Variants in SCAF8 observed in about 807,000 individuals in gnomAD.
The protein encoded by SCAF8 is SR-related CTD associated factor 8.
In SCAF8, 23 loss-of-function variants were observed where a neutral mutation model predicts 140.5. That is an observed-to-expected ratio of 0.16 (90% confidence interval 0.12 to 0.23). The LOEUF (loss-of-function observed/expected upper bound fraction) is 0.23. Among genes scored for constraint, SCAF8 ranks in the 10% least tolerant of loss-of-function variants. The pLI is 1.00. For missense variants in SCAF8, 1,397 were observed against 1,555.7 expected (o/e 0.90, Z 1.72); for synonymous variants, 575 against 528.9 (o/e 1.09, Z -1.20).
rs562035316 is a variant in SCAF8 at position 154,768,268 on chromosome 6, T to G, written c.31-5721T>G. 3.3e-5 allele frequency among the ~76,000 whole-genome samples: 5 copies of G among 152,300 alleles called. No individual in the cohort carries two copies. The East Asian group carries it at 7.7e-4, about 24-fold the overall frequency. On this transcript the variant is annotated intron_variant, in intron 1 of 19. Coordinates refer to ENST00000367178, the MANE Select transcript of SCAF8 (RefSeq NM_014892.5). ...TTTCTTTTAATGTCATGACTTTGCTTCTTGAGAGCACCTTCAGCATCACTA... is the reference window on the plus strand; with the variant it reads ...TTTCTTTTAATGTCATGACTTTGCTGCTTGAGAGCACCTTCAGCATCACTA...
intron 16 of SCAF8, 50 bp from the exon 17 acceptor site, chr6:154,824,184 G>C (rs755434342): frequency 8.8e-6 from 14 of 1,582,500 alleles, no homozygotes; most frequent in Non-Finnish European, 1.2e-5. Context: ...GTTGTTCCAA[G>C]ATGCAGGTGA....
intron 9 of SCAF8, among the ~76,000 whole-genome samples, chr6:154,807,078 G>T (rs894081002): frequency 6.6e-6 from 1 of 152,180 alleles, no homozygotes; most frequent in Non-Finnish European, 1.5e-5. Context: ...ATTTTAGAAG[G>T]TTTAGCAGAA....
rs1778800572 is a variant in SCAF8, at chr6:154,833,124, G to A, written c.3545G>A (p.Arg1182Lys). Residue 1182 changes from arginine (R) to lysine (K), a missense_variant, in exon 20 of 20, where the codon AGA becomes AAA. Physicochemically the swap from Arg to Lys is conservative, Grantham distance 26 (BLOSUM62 2). Around this residue, in one of 5 missense-constraint regions of SCAF8, gnomAD observed 930 missense variants for 874.6 expected, o/e 1.06. Transcript: ENST00000367178. ...EMNGNRLGRD[R>K]IQNTWVPPPH... Reference sequence around the variant, plus strand: ...AATGGAAATCGTCTTGGACGAGACAGAATTCAAAACACTTGGGTTCCCCCT... The same window carrying A: ...AATGGAAATCGTCTTGGACGAGACAAAATTCAAAACACTTGGGTTCCCCCT... The A allele has an allele frequency of 6.2e-7, 1 of 1,614,130 alleles. No individual in the cohort carries two copies. Among genetic ancestry groups the A allele is most frequent in the Non-Finnish European group, 8.5e-7 (1 of 1,180,006 alleles).
intron 1 of SCAF8, among the ~76,000 whole-genome samples, chr6:154,746,840 T>A (rs1215596999): frequency 1.3e-5 from 2 of 152,242 alleles, no homozygotes; most frequent in African/African-American, 4.8e-5. Flanking sequence ...TTTGACTTTT[T>A]TCCTCTTTCA....
rs1338095709 is a variant in SCAF8, at chr6:154,804,304, C to G, written c.863+681C>G. 7.9e-5 allele frequency among the ~76,000 whole-genome samples: 12 copies of G among 152,204 alleles called. No individual in the cohort carries two copies. The East Asian group carries it at 2.3e-3, about 29-fold the overall frequency. On this transcript the variant is annotated intron_variant, in intron 8 of 19. Coordinates refer to ENST00000367178, the MANE Select transcript of SCAF8 (RefSeq NM_014892.5). ...ACATAATTTTAGAATATGTTAGATA[C>G]AAATGTATCATTTTAGTAAAATGAT...
chr6:154,748,699 A>G (rs926520430), intron 1 of SCAF8, among the ~76,000 whole-genome samples: 3 of 152,250 alleles, frequency 2.0e-5, no homozygotes, highest in Non-Finnish European at 4.4e-5. Flanking sequence ...GAGATAACTC[A>G]GAAGTTTTTA....
rs1422353007 is a variant in SCAF8, at chr6:154,831,220, TA to T, written c.2359+82del. 4 of 805,684 alleles carry T rather than the reference TA, an allele frequency of 5.0e-6. No individual in the cohort carries two copies. In the East Asian group the frequency reaches 8.1e-5, roughly 16 times the overall value. 49.9% of individuals were successfully genotyped at this position (805,684 alleles called of 1,614,324 possible). ...TTAATTCTGGGGTGGCATGCGTTTG[TA>T]ACCACTTCAATCTACAGATGCTGAA... is the stretch of plus-strand genomic sequence containing the variant. On this transcript the variant is annotated intron_variant, in intron 19 of 19. Transcript: ENST00000367178.
Position 154,815,195 on chromosome 6 carries a change from A to T in SCAF8, c.1421-521A>T, listed in dbSNP as rs551614753. ...GCCTGTAGTCCTAGCTACTCGGGAGACTGAGGCAGGAGAATGGCATGAACC... is the reference window on the plus strand; with the variant it reads ...GCCTGTAGTCCTAGCTACTCGGGAGTCTGAGGCAGGAGAATGGCATGAACC... On this transcript the variant is annotated intron_variant, in intron 12 of 19. Coordinates refer to ENST00000367178, the MANE Select transcript of SCAF8 (RefSeq NM_014892.5). 2.6e-5 allele frequency among the ~76,000 whole-genome samples: 4 copies of T among 152,152 alleles called. No individual in the cohort carries two copies. In the East Asian group the frequency reaches 7.7e-4, roughly 29 times the overall value.
intron 13 of SCAF8, among the ~76,000 whole-genome samples, chr6:154,816,464 A>G (rs1299548854): frequency 1.1e-4 from 17 of 152,020 alleles, no homozygotes. Context: ...TGAGGGTCAG[A>G]CATCTTTGGT....
chr6:154,766,659 A>ACCCCC (rs1165228098), intron 1 of SCAF8, among the ~76,000 whole-genome samples: 1 of 70,716 alleles, frequency 1.4e-5, no homozygotes, highest in African/African-American at 5.7e-5. Context: ...CTCCAGCAGC[A>ACCCCC]CCCCCCCCCC....
At position 154,789,571 on chromosome 6, in the gene SCAF8, A is replaced by T. The variant is rs1403340839; in HGVS notation, c.321+1549A>T. Among the ~76,000 whole-genome samples the T allele has an allele frequency of 3.3e-5, 4 of 121,950 alleles. No individual in the cohort carries two copies. The East Asian group carries it at 9.3e-4, about 28-fold the overall frequency. 80.0% of individuals were successfully genotyped at this position (121,950 alleles called of 152,430 possible). A position where few individuals can be genotyped will look rare whatever the true frequency, so the allele number is the denominator to read the frequency against. ...TTTTTTTTTTTTTTTTTTGAGACGG[A>T]GTCTTGCTCTTTCACCCAGGCTGGA... On this transcript the variant is annotated intron_variant, in intron 4 of 19. Coordinates refer to ENST00000367178, the MANE Select transcript of SCAF8 (RefSeq NM_014892.5).
chr6:154,791,094 T>G (rs1019449354), intron 4 of SCAF8, among the ~76,000 whole-genome samples: 3 of 152,234 alleles, frequency 2.0e-5, no homozygotes, highest in South Asian at 2.1e-4. Flanking sequence ...GAACTGCTGA[T>G]ACTTCTTACA....
intron 1 of SCAF8, among the ~76,000 whole-genome samples, chr6:154,757,329 A>G (rs942285228): frequency 6.6e-6 from 1 of 152,200 alleles, no homozygotes; most frequent in African/African-American, 2.4e-5. Context: ...GAATATTGGC[A>G]TAGGATTATA....
rs750432698 is a variant in SCAF8, at chr6:154,832,739, C to T, written c.3160C>T (p.Leu1054=). 7 of 1,613,790 alleles carry T rather than the reference C, an allele frequency of 4.3e-6. No individual in the cohort carries two copies. The East Asian group carries it at 8.9e-5, about 21-fold the overall frequency. ...AAGAGAAGGTCCTGGACGGCCTCCA[C>T]TAGATGGTAGGGATCATTTTGGAAG... is the stretch of plus-strand genomic sequence containing the variant. The part of the protein sequence containing the change: ...DPREGPGRPP[L]DGRDHFGRPP... Residue 1054 remains leucine, a synonymous_variant, in exon 20 of 20, where the codon CTA becomes TTA. Transcript: ENST00000367178.
intron 3 of SCAF8, among the ~76,000 whole-genome samples, chr6:154,779,883 G>A (rs1334803064): frequency 1.3e-5 from 2 of 151,814 alleles, no homozygotes; most frequent in African/African-American, 4.8e-5. Context: ...GAGATCCCAT[G>A]TGCCCCTCAC....
In SCAF8 at chr6:154,789,931, A is replaced by T. The variant is rs77779031; in HGVS notation, c.321+1909A>T. On this transcript the variant is annotated intron_variant, in intron 4 of 19. Coordinates refer to ENST00000367178, the MANE Select transcript of SCAF8 (RefSeq NM_014892.5). ...CACTTGAAGTAATGTACTAATCTGA[A>T]ATTTTATACATGCATTTTTTAGAAG... Among the ~76,000 whole-genome samples, 301 of 152,234 alleles carry T rather than the reference A, an allele frequency of 2.0e-3. 1 individual carries two copies. The highest frequency in any genetic ancestry group is 6.8e-3 in the African/African-American group (281 of 41,546).
Position 154,779,024 on chromosome 6 carries a change from T to C in SCAF8, c.159+979T>C, listed in dbSNP as rs554166523. On this transcript the variant is annotated intron_variant, in intron 3 of 19. Coordinates refer to ENST00000367178, the MANE Select transcript of SCAF8 (RefSeq NM_014892.5). ...TTTAATGTCTGGTTTTGTTTTGTTT[T>C]GTTTTGGTTTTTTTGTTTTTGTTTT... Among the ~76,000 whole-genome samples the C allele has an allele frequency of 2.0e-3, 300 of 152,190 alleles. 1 individual carries two copies. The highest frequency in any genetic ancestry group is 6.7e-3 in the African/African-American group (280 of 41,532).
chr6:154,791,983 G>T (rs541275971), intron 4 of SCAF8, among the ~76,000 whole-genome samples: 50 of 151,956 alleles, frequency 3.3e-4, no homozygotes, highest in Non-Finnish European at 6.2e-4. Flanking sequence ...CTGCTTGCCA[G>T]TGGCAAGCAG....
intron 9 of SCAF8, among the ~76,000 whole-genome samples, chr6:154,806,275 A>G (rs1167963174): frequency 6.6e-6 from 1 of 152,222 alleles, no homozygotes; most frequent in African/African-American, 2.4e-5. Context: ...CTAGGATTAA[A>G]TTTATTTCAA....
Sources: allele counts gnomAD v4.1 joint callset (sites outside exome capture counted in the v4.1 genomes callset), GRCh38; gene constraint gnomAD v4.1.1; regional missense constraint gnomAD v4.1.1; transcripts MANE v1.5; gene names NCBI Gene and HGNC (gene_info 2026-07-23, HGNC 2026-07-21).